Variants in MAML2 observed in about 807,000 individuals in gnomAD.
MAML2 encodes the protein mastermind-like protein 2.
In MAML2, 22 loss-of-function variants were observed where a neutral mutation model predicts 96.1. The ratio of observed to expected loss-of-function variants is 0.23; its 90% CI spans 0.16 to 0.33. MAML2 has a LOEUF of 0.33. Ranked by LOEUF, MAML2 falls within the 10% of genes least tolerant of loss-of-function variation. The probability of loss-of-function intolerance (pLI) is 1.00; values close to 1 mark genes in which losing one functional copy is unlikely to be tolerated. For missense variants in MAML2, 1,367 were observed against 1,392.4 expected (o/e 0.98, Z 0.29); for synonymous variants, 561 against 521.3 (o/e 1.08, Z -1.04).
chr11:96,092,318 C>T lies in MAML2; in HGVS notation c.1713G>A (p.Met571Ile). 1 of 1,591,986 alleles carries T rather than the reference C, an allele frequency of 6.3e-7. No homozygotes were observed. The highest frequency in any genetic ancestry group is 8.6e-7 in the Non-Finnish European group (1 of 1,168,728). The part of the protein sequence containing the change: ...HFNSDQANQQ[M>I]PSVLPSQNKP... ...TGTTCTGGGAAGGCAAAACAGAAGG[C>T]ATCTGCTGGTTCGCTTGATCTGAGT... The change falls in exon 2 of 5, where the codon ATG becomes ATA. Residue 571 changes from methionine (M) to isoleucine (I), a missense_variant. Transcript: ENST00000524717. This position sits in a 1 kb window ranked among gnomAD's most constrained non-coding sequence, Gnocchi z 4.1.
At chr11:96,103,758 T>C (rs983397683) in intron 1 of MAML2, among the ~76,000 whole-genome samples, 3 of 152,190 alleles carry the variant, frequency 2.0e-5, no homozygotes, top group African/African-American at 4.8e-5. Flanking sequence ...GTATTCTCCA[T>C]CTACATTCAG....
At chr11:96,332,876 A>C (rs1863871747) in intron 1 of MAML2, among the ~76,000 whole-genome samples, 1 of 152,228 alleles carries the variant, frequency 6.6e-6, no homozygotes, top group Non-Finnish European at 1.5e-5. Context: ...ACAGTACAGT[A>C]CATATTGTAT....
intron 1 of MAML2, among the ~76,000 whole-genome samples, chr11:96,167,989 G>A (rs1222456303): frequency 2.6e-5 from 4 of 152,176 alleles, no homozygotes; most frequent in Non-Finnish European, 5.9e-5. Flanking sequence ...GAGCTCCTGC[G>A]GTTGGGGCTG....
intron 3 of MAML2, among the ~76,000 whole-genome samples, chr11:95,988,540 A>T (rs1857864245): frequency 1.4e-5 from 2 of 147,574 alleles, no homozygotes; most frequent in African/African-American, 4.9e-5. Flanking sequence ...TATTTATAGT[A>T]TATATATTTA....
chr11:96,280,307 T>C (rs1863046845), intron 1 of MAML2, among the ~76,000 whole-genome samples: 1 of 152,246 alleles, frequency 6.6e-6, no homozygotes, highest in African/African-American at 2.4e-5. Context: ...TACTCATTTT[T>C]TTTTAAAGTC....
At chr11:96,162,167 T>C (rs1861114760) in intron 1 of MAML2, among the ~76,000 whole-genome samples, 1 of 143,984 alleles carries the variant, frequency 6.9e-6, no homozygotes, top group Non-Finnish European at 1.5e-5. Flanking sequence ...TTTTACTTTA[T>C]CAATCTAACT....
At chr11:96,110,779 A>G (rs1028842575) in intron 1 of MAML2, among the ~76,000 whole-genome samples, 16 of 152,224 alleles carry the variant, frequency 1.1e-4, no homozygotes, top group Non-Finnish European at 2.2e-4. Flanking sequence ...GTTGAATGAA[A>G]ATTTTGGCAG....
chr11:96,198,620 C>A (rs751156061), intron 1 of MAML2, among the ~76,000 whole-genome samples: 6 of 152,122 alleles, frequency 3.9e-5, no homozygotes, highest in Admixed American at 2.0e-4. Context: ...AAAAACCTAC[C>A]CCAGGTATTC....
intron 2 of MAML2, among the ~76,000 whole-genome samples, chr11:96,038,534 TAGGCACTTAAG>T (rs1858755400): frequency 6.6e-6 from 1 of 152,368 alleles, no homozygotes; most frequent in East Asian, 1.9e-4. Context: ...AGCAATGTGC[TAGGCACTTAAG>T]CCCTATCTGG....
At chr11:96,210,150 G>A (rs1861949377) in intron 1 of MAML2, among the ~76,000 whole-genome samples, 1 of 152,086 alleles carries the variant, frequency 6.6e-6, no homozygotes. Context: ...CTGTCGCCCA[G>A]TTTGGAGTGA....
chr11:96,169,942 C>T (rs11021456), intron 1 of MAML2, among the ~76,000 whole-genome samples: 46,708 of 152,172 alleles, frequency 0.31, 8,538 homozygotes, highest in Middle Eastern at 0.42. Flanking sequence ...CGTGGGCCAC[C>T]GTGCCCGACC....
At chr11:96,144,819 T>C (rs1308606286) in intron 1 of MAML2, among the ~76,000 whole-genome samples, 1 of 152,186 alleles carries the variant, frequency 6.6e-6, no homozygotes, top group Non-Finnish European at 1.5e-5. Flanking sequence ...TTCACAGACA[T>C]TTTGTTTCAC....
At chr11:96,336,064 C>T (rs899824563) in intron 1 of MAML2, among the ~76,000 whole-genome samples, 1 of 152,168 alleles carries the variant, frequency 6.6e-6, no homozygotes, top group African/African-American at 2.4e-5. Context: ...TGCTAAATAA[C>T]TTTAGCTTTA....
At chr11:96,281,547 T>C (rs1006380862) in intron 1 of MAML2, among the ~76,000 whole-genome samples, 13 of 152,098 alleles carry the variant, frequency 8.5e-5, no homozygotes, top group Non-Finnish European at 1.5e-4. Flanking sequence ...ATAGTTTTTT[T>C]CCCTGTTTGT....
intron 1 of MAML2, among the ~76,000 whole-genome samples, chr11:96,272,329 A>C (rs1373244277): frequency 6.6e-6 from 1 of 152,158 alleles, no homozygotes; most frequent in African/African-American, 2.4e-5. Context: ...CTTAAATTTC[A>C]ATTGTTACAT....
intron 1 of MAML2, among the ~76,000 whole-genome samples, chr11:96,113,354 C>T (rs1358420283): frequency 6.6e-6 from 1 of 151,894 alleles, no homozygotes; most frequent in Non-Finnish European, 1.5e-5. Context: ...TTTTCAAATT[C>T]TTTCTTTGAA....
chr11:96,301,032 C>T (rs1468348059), intron 1 of MAML2, among the ~76,000 whole-genome samples: 2 of 152,156 alleles, frequency 1.3e-5, no homozygotes, highest in East Asian at 3.8e-4. Flanking sequence ...ACAATAAACA[C>T]TCAATAACTG....
intron 1 of MAML2, among the ~76,000 whole-genome samples, chr11:96,246,753 TTG>T (rs936990872): frequency 3.3e-5 from 5 of 152,122 alleles, no homozygotes; most frequent in African/African-American, 1.2e-4. Flanking sequence ...ATACCCAGGA[TTG>T]TAGTTACCCA....
At chr11:96,166,459 G>T (rs1565235203) in intron 1 of MAML2, among the ~76,000 whole-genome samples, 1 of 152,168 alleles carries the variant, frequency 6.6e-6, no homozygotes, top group African/African-American at 2.4e-5. Context: ...TGCTCTGAGG[G>T]TGTGCAGACT....
Sources: gnomAD v4.1 joint callset for allele counts (sites outside exome capture counted in the v4.1 genomes callset) on GRCh38, gnomAD v4.1.1 for gene constraint, Gnocchi (gnomAD v3.1) non-coding constraint, MANE v1.5 for transcripts, NCBI Gene and HGNC (gene_info 2026-07-23, HGNC 2026-07-21) for gene names.